CEBPZ: variants seen among roughly 807,000 people sequenced by gnomAD.
CEBPZ encodes CCAAT enhancer binding protein zeta, also known as CCAAT/enhancer-binding protein zeta.
In CEBPZ, 78 loss-of-function variants were observed where a neutral mutation model predicts 104.5. That is an observed-to-expected ratio of 0.75 (90% CI 0.62 to 0.90). CEBPZ has a LOEUF of 0.90. Ranked by LOEUF, CEBPZ falls within the 40% of genes least tolerant of loss-of-function variation. The pLI is 0.00. For missense variants in CEBPZ, 1,439 were observed against 1,233.5 expected (o/e 1.17, Z -2.50); for synonymous variants, 470 against 427.0 (o/e 1.10, Z -1.24).
At chr2:37,216,243 C>T (rs750971189) in intron 7 of CEBPZ, 35 bp from the exon 8 acceptor site, 8 of 1,603,874 alleles carry the variant, frequency 5.0e-6, no homozygotes, top group Non-Finnish European at 6.0e-6. Flanking sequence ...TAATGCAAAA[C>T]CTAGTTATAA....
chr2:37,202,781 T>G lies in CEBPZ; in HGVS notation c.3025+3A>C. The G allele has an allele frequency of 6.5e-7, 1 of 1,541,616 alleles. No homozygotes were observed. Among genetic ancestry groups the G allele is most frequent in the Non-Finnish European group, 8.8e-7 (1 of 1,142,340 alleles). ...CATCAATAAAAAAATTTAAGTTACT[T>G]ACTTGCATTATCTTTGTTAGCCATG... is the stretch of plus-strand genomic sequence containing the variant. On this transcript the variant is annotated splice_donor_region_variant and intron_variant, in intron 15 of 15. Coordinates refer to ENST00000234170, the MANE Select transcript of CEBPZ (RefSeq NM_005760.3).
chr2:37,210,002 T>A (rs966992970), intron 13 of CEBPZ: 4 of 152,040 alleles, frequency 2.6e-5, no homozygotes, highest in Non-Finnish European at 4.4e-5. Context: ...GATATACAAA[T>A]GGTCAAGAAA....
At chr2:37,224,223 GTC>G (rs1195240852) in intron 2 of CEBPZ, among the ~76,000 whole-genome samples, 1 of 152,150 alleles carries the variant, frequency 6.6e-6, no homozygotes, top group Non-Finnish European at 1.5e-5. Context: ...TCTCCCTAAT[GTC>G]TGTCTTCTGT....
At chr2:37,204,126 T>C (rs766933166) in intron 13 of CEBPZ, 17 of 152,152 alleles carry the variant, frequency 1.1e-4, no homozygotes, top group African/African-American at 1.7e-4. Flanking sequence ...TAGGAAGTTT[T>C]TTTTGGGTTT....
At chr2:37,217,851 G>A (rs1373161129) in intron 5 of CEBPZ, among the ~76,000 whole-genome samples, 5 of 148,280 alleles carry the variant, frequency 3.4e-5, no homozygotes, top group Admixed American at 1.4e-4. Flanking sequence ...GGAGTGAGCC[G>A]AGATCGCGCC....
chr2:37,207,899 T>C (rs142195654), intron 13 of CEBPZ, among the ~76,000 whole-genome samples: 6 of 152,102 alleles, frequency 3.9e-5, no homozygotes, highest in Non-Finnish European at 5.9e-5. Context: ...GGTAGACCAT[T>C]AGCAAGATTA....
chr2:37,219,033 A>AG (rs1159837036), intron 5 of CEBPZ, among the ~76,000 whole-genome samples: 1 of 152,236 alleles, frequency 6.6e-6, no homozygotes, highest in African/African-American at 2.4e-5. Flanking sequence ...GTCAAGCTCA[A>AG]GGTGGTGGTT....
intron 15 of CEBPZ, chr2:37,202,286 T>G (rs145220097): frequency 2.0e-3 from 319 of 163,212 alleles, no homozygotes; most frequent in African/African-American, 6.9e-3. Flanking sequence ...ATCTTACATG[T>G]TCTCCTGAGA....
chr2:37,204,438 A>C (rs1572490493), intron 13 of CEBPZ: 1 of 151,988 alleles, frequency 6.6e-6, no homozygotes, highest in Non-Finnish European at 1.5e-5. Context: ...CCACCACGCC[A>C]AGCTAATTTT....
In CEBPZ at chr2:37,222,413, C is replaced by A; in HGVS notation, c.2032G>T (p.Val678Phe). The change falls in exon 4 of 16, where the codon GTT (valine) becomes TTT (phenylalanine). Residue 678 changes from valine to phenylalanine, a missense_variant. Transcript: ENST00000234170. ...TTATCAAAGTGCACCCAGGAAGCAA[C>A]CTCTGGTTTTTTGGTTTCTACATCA... Reference protein sequence around the residue: ...ETDVETKKPEVASWVHFDNLK... With the variant: ...ETDVETKKPEFASWVHFDNLK... 6.3e-7 allele frequency: 1 copy of A among 1,598,230 alleles called. No individual in the cohort carries two copies.
Position 37,228,977 on chromosome 2 carries a change from T to C in CEBPZ, c.216A>G (p.Lys72=). 1.9e-6 allele frequency: 3 copies of C among 1,599,780 alleles called. No homozygotes were observed. The highest frequency in any genetic ancestry group is 2.6e-6 in the Non-Finnish European group (3 of 1,175,862). ...GCTGAAGGTCATCGATTGCTCCTTT[T>C]TTGCCTCCATCTATCACTTCCTCAT... ...DENEEVIDGG[K]KGAIDDLQQG... Residue 72 remains lysine, a synonymous_variant, in exon 2 of 16, where the codon AAA becomes AAG. Transcript: ENST00000234170.
chr2:37,229,258 A>G (rs894162924), intron 1 of CEBPZ, among the ~76,000 whole-genome samples: 2 of 152,092 alleles, frequency 1.3e-5, no homozygotes, highest in Admixed American at 6.6e-5. Context: ...TTATTTCGAT[A>G]TAGGAAAAAA....
At chr2:37,214,857 C>A in intron 9 of CEBPZ, 29 bp downstream of exon 9, 3 of 1,433,796 alleles carry the variant, frequency 2.1e-6, no homozygotes, top group Non-Finnish European at 2.9e-6. Flanking sequence ...TAGCAGTTTC[C>A]CCAAATGAAA....
chr2:37,218,747 T>TAAAA (rs977277351), intron 5 of CEBPZ, among the ~76,000 whole-genome samples: 1 of 151,908 alleles, frequency 6.6e-6, no homozygotes, highest in Non-Finnish European at 1.5e-5. Flanking sequence ...GTGCTAAAAA[T>TAAAA]AAAAAAATTA....
chr2:37,210,159 C>T (rs1017252037), intron 13 of CEBPZ: 6 of 152,148 alleles, frequency 3.9e-5, no homozygotes, highest in East Asian at 1.9e-4. Flanking sequence ...AATAAGGGAA[C>T]ACTTCTACAT....
chr2:37,216,053 GATAA>G, intron 8 of CEBPZ, 83 bp downstream of exon 8: 1 of 1,005,906 alleles, frequency 9.9e-7, no homozygotes. Context: ...GTTTTATTCT[GATAA>G]ATTAGAACAA....
chr2:37,216,859 T>C, intron 6 of CEBPZ, 125 bp downstream of exon 6: 1 of 786,434 alleles, frequency 1.3e-6, no homozygotes, highest in East Asian at 2.7e-5. Flanking sequence ...TCACTGCTTC[T>C]TTATACGAGC....
intron 2 of CEBPZ, among the ~76,000 whole-genome samples, chr2:37,226,330 G>A (rs1011451743): frequency 2.0e-5 from 3 of 152,154 alleles, no homozygotes; most frequent in Non-Finnish European, 4.4e-5. Context: ...AAAGAAACAT[G>A]GATGACTATC....
chr2:37,220,323 A>AT, intron 5 of CEBPZ, 62 bp downstream of exon 5: 1 of 478,794 alleles, frequency 2.1e-6, no homozygotes, highest in Non-Finnish European at 3.2e-6. Flanking sequence ...CTCAAAAAAA[A>AT]AAAAAATATA....
Sources: allele counts gnomAD v4.1 joint callset (sites outside exome capture counted in the v4.1 genomes callset), GRCh38; gene constraint gnomAD v4.1.1; transcripts MANE v1.5; gene names NCBI Gene and HGNC (gene_info 2026-07-23, HGNC 2026-07-21).